DCC: variants seen among roughly 807,000 people sequenced by gnomAD.
The protein encoded by DCC is netrin receptor DCC.
DCC carries 58 observed loss-of-function variants against 172.5 expected under a neutral mutation model. That is an observed-to-expected ratio of 0.34 (90% confidence interval 0.27 to 0.42). DCC has a LOEUF of 0.42. DCC is among the 10% of genes least tolerant of loss of function. The probability of loss-of-function intolerance (pLI) is 1.00; values close to 1 mark genes in which losing one functional copy is unlikely to be tolerated. For missense variants in DCC, 1,740 were observed against 1,791.0 expected (o/e 0.97, Z 0.51); for synonymous variants, 709 against 644.5 (o/e 1.10, Z -1.52).
chr18:53,115,826 G>A (rs2043400681), intron 7 of DCC, among the ~76,000 whole-genome samples: 1 of 151,506 alleles, frequency 6.6e-6, no homozygotes, highest in Non-Finnish European at 1.5e-5. Context: ...GTTTTAATGG[G>A]AAGATTAAAA....
Position 52,664,470 on chromosome 18 carries a change from C to CTTTTTTTT in DCC, c.92-87579_92-87578insTTTTTTTT, listed in dbSNP as rs74178680. Among the ~76,000 whole-genome samples, 275 of 99,770 alleles carry CTTTTTTTT rather than the reference C, an allele frequency of 2.8e-3. 4 individuals carry two copies. The highest frequency in any genetic ancestry group is 7.2e-3 in the Middle Eastern group (1 of 138). 65.5% of individuals were successfully genotyped at this position (99,770 alleles called of 152,430 possible). A position where few individuals can be genotyped will look rare whatever the true frequency, so the allele number is the denominator to read the frequency against. ...CAAATATCTTTTTTCTTTTCTTTTT[C>CTTTTTTTT]TTTTTCTTTTTTTTTTTTTTTTGAG... On this transcript the variant is annotated intron_variant, in intron 1 of 28. Coordinates refer to ENST00000442544, the MANE Select transcript of DCC (RefSeq NM_005215.4).
chr18:52,531,680 G>A (rs1233138186), intron 1 of DCC, among the ~76,000 whole-genome samples: 1 of 151,680 alleles, frequency 6.6e-6, no homozygotes, highest in Non-Finnish European at 1.5e-5. Flanking sequence ...CTTCTTGGCT[G>A]GTGAAAATTA....
chr18:52,410,768 A>G (rs1340811746), intron 1 of DCC, among the ~76,000 whole-genome samples: 5 of 152,148 alleles, frequency 3.3e-5, no homozygotes, highest in Non-Finnish European at 7.4e-5. Flanking sequence ...CCCATGCATG[A>G]AACAAAACAT....
chr18:53,424,040 T>C (rs1910771584), intron 21 of DCC, among the ~76,000 whole-genome samples: 1 of 152,184 alleles, frequency 6.6e-6, no homozygotes, highest in African/African-American at 2.4e-5. Context: ...GGAAAAAGTA[T>C]ATTCAATAAT....
At chr18:53,341,364 G>A (rs1816379478) in intron 15 of DCC, among the ~76,000 whole-genome samples, 2 of 152,186 alleles carry the variant, frequency 1.3e-5, no homozygotes, top group African/African-American at 4.8e-5. Flanking sequence ...CTTGCCAGAG[G>A]TCTCCAAATT....
At chr18:53,490,802 G>A (rs1488143273) in intron 26 of DCC, among the ~76,000 whole-genome samples, 22 of 152,144 alleles carry the variant, frequency 1.4e-4, no homozygotes, top group Non-Finnish European at 1.5e-5. Context: ...ATTTGTTAAA[G>A]GGTTTTTGCT....
At chr18:53,415,927 C>T (rs1030749055) in intron 20 of DCC, among the ~76,000 whole-genome samples, 197 bp from the exon 21 acceptor site, 1 of 151,928 alleles carries the variant, frequency 6.6e-6, no homozygotes, top group Admixed American at 6.6e-5. Context: ...ACAGCAAAAA[C>T]ATTATTTTCA....
At chr18:53,215,745 C>G in intron 12 of DCC, 148 bp downstream of exon 12, 1 of 732,150 alleles carries the variant, frequency 1.4e-6, no homozygotes. Context: ...TGACATTGAT[C>G]CCACATCCTC....
At chr18:53,369,420 A>G (rs1178700539) in intron 15 of DCC, among the ~76,000 whole-genome samples, 1 of 151,906 alleles carries the variant, frequency 6.6e-6, no homozygotes, top group African/African-American at 2.4e-5. Flanking sequence ...AGACTTTATC[A>G]TCTGCAAACA....
At chr18:53,510,027 C>CTTA (rs1232836947) in intron 27 of DCC, among the ~76,000 whole-genome samples, 3 of 152,194 alleles carry the variant, frequency 2.0e-5, no homozygotes, top group Non-Finnish European at 4.4e-5. Flanking sequence ...GCAACAATCT[C>CTTA]TTATTTTTAT....
chr18:52,372,640 A>G (rs1985172001), intron 1 of DCC, among the ~76,000 whole-genome samples: 1 of 152,200 alleles, frequency 6.6e-6, no homozygotes, highest in African/African-American at 2.4e-5. Flanking sequence ...GTGTGAAACC[A>G]TGCATTTGTA....
intron 1 of DCC, among the ~76,000 whole-genome samples, chr18:52,554,681 G>T (rs1376297246): frequency 6.6e-6 from 1 of 152,032 alleles, no homozygotes; most frequent in Admixed American, 6.6e-5. Flanking sequence ...AGAGACAATG[G>T]TCTCATTCTT....
intron 12 of DCC, among the ~76,000 whole-genome samples, chr18:53,241,329 C>A (rs73957116): frequency 0.045 from 6,775 of 152,182 alleles, 537 homozygotes; most frequent in African/African-American, 0.16. Flanking sequence ...AGCCTTTAAT[C>A]ACTGAACTGC....
At chr18:52,888,667 A>T (rs555933774) in intron 2 of DCC, among the ~76,000 whole-genome samples, 25 of 152,098 alleles carry the variant, frequency 1.6e-4, no homozygotes, top group African/African-American at 5.8e-4. Context: ...TATGTCAGTT[A>T]TTTAACATAA....
intron 1 of DCC, among the ~76,000 whole-genome samples, chr18:52,529,579 C>T (rs187672272): frequency 1.3e-4 from 20 of 152,308 alleles, no homozygotes; most frequent in African/African-American, 4.6e-4. Flanking sequence ...CGTGAGCCAC[C>T]GGGCCCGTGA....
intron 2 of DCC, among the ~76,000 whole-genome samples, chr18:52,821,161 A>G (rs2038399262): frequency 6.6e-6 from 1 of 152,174 alleles, no homozygotes; most frequent in Non-Finnish European, 1.5e-5. Flanking sequence ...CAGAAAAAAG[A>G]ATGCTGTCAT....
At chr18:52,600,796 A>C (rs1196806863) in intron 1 of DCC, among the ~76,000 whole-genome samples, 4 of 152,148 alleles carry the variant, frequency 2.6e-5, no homozygotes, top group Admixed American at 2.0e-4. Flanking sequence ...AAATTACAAA[A>C]TATAACTGTG....
intron 1 of DCC, among the ~76,000 whole-genome samples, chr18:52,399,734 T>G (rs2144371247): frequency 6.6e-6 from 1 of 152,118 alleles, no homozygotes; most frequent in Non-Finnish European, 1.5e-5. Context: ...ATGGCATTAA[T>G]TATAGTGTTT....
chr18:52,461,741 C>A (rs372559709), intron 1 of DCC, among the ~76,000 whole-genome samples: 4 of 152,168 alleles, frequency 2.6e-5, no homozygotes, highest in African/African-American at 9.7e-5. Context: ...AGCCTTGGAC[C>A]TCTTCTCTAC....
Sources: allele counts gnomAD v4.1 joint callset (sites outside exome capture counted in the v4.1 genomes callset), GRCh38; gene constraint gnomAD v4.1.1; transcripts MANE v1.5; gene names NCBI Gene and HGNC (gene_info 2026-07-23, HGNC 2026-07-21).